The following SFMBT2 variants were observed in gnomAD, a reference collection of about 807,000 sequenced individuals.
The protein encoded by SFMBT2 is Scm like with four mbt domains 2.
In SFMBT2, 38 loss-of-function variants were observed where a neutral mutation model predicts 110.1. That is an observed-to-expected ratio of 0.35 (90% CI 0.27 to 0.45). The LOEUF is 0.45. Among genes scored for constraint, SFMBT2 ranks in the 20% least tolerant of loss-of-function variants. The probability of loss-of-function intolerance (pLI) is 1.00; values close to 1 mark genes in which losing one functional copy is unlikely to be tolerated. For missense variants in SFMBT2, 1,011 were observed against 1,094.9 expected (o/e 0.92, Z 1.08); for synonymous variants, 425 against 425.4 (o/e 1.00, Z 0.01).
intron 4 of SFMBT2, among the ~76,000 whole-genome samples, chr10:7,339,184 G>A (rs1424536941): frequency 2.0e-5 from 3 of 152,134 alleles, no homozygotes; most frequent in African/African-American, 7.2e-5. Context: ...AGGTTGCAGT[G>A]AGCAGAGATC....
chr10:7,215,709 T>A, intron 11 of SFMBT2: 2 of 985,450 alleles, frequency 2.0e-6, no homozygotes, highest in Non-Finnish European at 2.4e-6. Flanking sequence ...GGCTGGCCGA[T>A]GAATTTAAGC....
intron 2 of SFMBT2, among the ~76,000 whole-genome samples, chr10:7,375,337 A>G (rs756188142): frequency 2.1e-4 from 32 of 152,212 alleles, no homozygotes; most frequent in Non-Finnish European, 4.0e-4. Context: ...CAATTTTACA[A>G]TCTGAAACAA....
At chr10:7,227,506 T>C (rs1044654781) in intron 10 of SFMBT2, among the ~76,000 whole-genome samples, 16 of 152,220 alleles carry the variant, frequency 1.1e-4, no homozygotes, top group Non-Finnish European at 1.9e-4. Flanking sequence ...GAACTAGTGA[T>C]ACCTTCTCCT....
Position 7,205,789 on chromosome 10 carries a change from C to T in SFMBT2, c.1444+26G>A, listed in dbSNP as rs766674231. Reference sequence around the variant, plus strand: ...TCACAAAGATCACTGGTGTCATCCACCCCCCCTCAACTGGGAACCACTTAC... The same window carrying T: ...TCACAAAGATCACTGGTGTCATCCATCCCCCCTCAACTGGGAACCACTTAC... On this transcript the variant is annotated intron_variant, in intron 12 of 20. Transcript: ENST00000397167. 5.0e-6 allele frequency: 8 copies of T among 1,598,670 alleles called. No individual in the cohort carries two copies. The African/African-American group carries it at 8.0e-5, about 16-fold the overall frequency.
At chr10:7,285,121 A>G (rs921068565) in intron 5 of SFMBT2, 6 of 152,272 alleles carry the variant, frequency 3.9e-5, no homozygotes, top group African/African-American at 1.4e-4. Flanking sequence ...CTTGTTATTC[A>G]TTAAGTTTTC....
Position 7,406,714 on chromosome 10 carries a change from A to G in SFMBT2, c.-52+4147T>C, listed in dbSNP as rs548879790. 2.0e-5 allele frequency among the ~76,000 whole-genome samples: 3 copies of G among 152,368 alleles called. No homozygotes were observed. The South Asian group carries it at 6.2e-4, about 32-fold the overall frequency. ...AGGAAGAGGAAAAACTCTGCGATGT[A>G]TGACTTCCATCATTACTGAAACGCA... On this transcript the variant is annotated intron_variant, in intron 1 of 20. Coordinates refer to ENST00000397167, the MANE Select transcript of SFMBT2 (RefSeq NM_001387889.1).
chr10:7,260,938 C>T (rs976239084), intron 7 of SFMBT2, among the ~76,000 whole-genome samples: 9 of 151,532 alleles, frequency 5.9e-5, no homozygotes, highest in Non-Finnish European at 1.0e-4. Context: ...CTTTAAATAC[C>T]CCAGTTTAAC....
chr10:7,206,251 A>C, intron 11 of SFMBT2: 1 of 985,444 alleles, frequency 1.0e-6, no homozygotes, highest in South Asian at 4.7e-5. Flanking sequence ...TCGGAGCAGG[A>C]TTGGCTGAAA....
At chr10:7,397,154 C>T (rs1192267878) in intron 1 of SFMBT2, among the ~76,000 whole-genome samples, 6 of 152,186 alleles carry the variant, frequency 3.9e-5, no homozygotes, top group Non-Finnish European at 1.5e-5. Context: ...GCTACATAAG[C>T]ATTAGAAATC....
At chr10:7,220,576 C>T (rs776333464) in intron 10 of SFMBT2, 39 bp from the exon 11 acceptor site, 39 of 1,611,642 alleles carry the variant, frequency 2.4e-5, no homozygotes, top group East Asian at 6.7e-5. Context: ...CCAGTGCTGA[C>T]GCAGCAGGAC....
At chr10:7,228,314 G>A (rs191430074) in intron 9 of SFMBT2, 69 of 676,908 alleles carry the variant, frequency 1.0e-4, no homozygotes, top group Admixed American at 1.3e-4. Context: ...GCCTGAGTTC[G>A]TGGGAGCTTA....
rs968852303 is a variant in SFMBT2 at position 7,282,866 on chromosome 10, C to T, written c.772+1038G>A. 4.6e-5 allele frequency among the ~76,000 whole-genome samples: 5 copies of T among 107,620 alleles called. No individual in the cohort carries two copies. In the South Asian group the frequency reaches 1.2e-3, roughly 27 times the overall value. 70.6% of individuals were successfully genotyped at this position (107,620 alleles called of 152,430 possible). A position where few individuals can be genotyped will look rare whatever the true frequency, so the allele number is the denominator to read the frequency against. ...TTCCAAATACAGCTACAAAACTCAC[C>T]GGAATGAAGATTCACCAATTTCTGA... On this transcript the variant is annotated intron_variant, in intron 6 of 20. Coordinates refer to ENST00000397167, the MANE Select transcript of SFMBT2 (RefSeq NM_001387889.1).
Position 7,285,861 on chromosome 10 carries a change from C to T in SFMBT2, c.525+5G>A. ...ATACATTAGATGTATAACAACAATACATACACCTTCCAGGAGGTTGGCGGG... is the reference window on the plus strand; with the variant it reads ...ATACATTAGATGTATAACAACAATATATACACCTTCCAGGAGGTTGGCGGG... On this transcript the variant is annotated splice_donor_5th_base_variant and intron_variant, in intron 5 of 20. Transcript: ENST00000397167. 1 of 872,512 alleles carries T rather than the reference C, an allele frequency of 1.1e-6. No homozygotes were observed. Among genetic ancestry groups the T allele is most frequent in the Non-Finnish European group, 2.0e-6 (1 of 501,396 alleles). 54.0% of individuals were successfully genotyped at this position (872,512 alleles called of 1,614,324 possible).
chr10:7,306,366 T>C (rs1360098960), intron 4 of SFMBT2, among the ~76,000 whole-genome samples: 2 of 152,268 alleles, frequency 1.3e-5, no homozygotes, highest in Non-Finnish European at 2.9e-5. Flanking sequence ...ATGAAAATTA[T>C]ATGAAATTCA....
chr10:7,363,349 C>T (rs1564459049), intron 4 of SFMBT2, among the ~76,000 whole-genome samples: 1 of 151,918 alleles, frequency 6.6e-6, no homozygotes, highest in Non-Finnish European at 1.5e-5. Flanking sequence ...TCCATTAAAC[C>T]TCCTCTTTTT....
intron 1 of SFMBT2, among the ~76,000 whole-genome samples, chr10:7,401,196 C>A (rs1250069866): frequency 2.6e-5 from 4 of 152,132 alleles, no homozygotes; most frequent in African/African-American, 7.2e-5. Flanking sequence ...GTCTCTCAAG[C>A]ACGCACCTTT....
chr10:7,251,958 T>C (rs1161509294), intron 7 of SFMBT2, among the ~76,000 whole-genome samples: 2 of 152,184 alleles, frequency 1.3e-5, no homozygotes, highest in Admixed American at 6.5e-5. Flanking sequence ...ACGGGGCTTC[T>C]GGTCTACCCG....
intron 1 of SFMBT2, among the ~76,000 whole-genome samples, chr10:7,405,110 C>T (rs528150321): frequency 1.1e-4 from 16 of 152,256 alleles, no homozygotes; most frequent in East Asian, 5.8e-4. Context: ...ACCTGCCCAG[C>T]GGCCAAACCT....
intron 5 of SFMBT2, 173 bp from the exon 6 acceptor site, chr10:7,284,323 C>T (rs1383874130): frequency 1.7e-6 from 2 of 1,153,870 alleles, no homozygotes; most frequent in Non-Finnish European, 2.3e-6. Context: ...CCTTCCCTTT[C>T]CTCCCTCCCA....
Sources: gnomAD v4.1 joint callset for allele counts (sites outside exome capture counted in the v4.1 genomes callset) on GRCh38, gnomAD v4.1.1 for gene constraint, MANE v1.5 for transcripts, NCBI Gene and HGNC (gene_info 2026-07-23, HGNC 2026-07-21) for gene names.